Variants in ZMYM5 observed in about 807,000 individuals in gnomAD.
The protein encoded by ZMYM5 is zinc finger MYM-type protein 5.
ZMYM5 carries 41 observed loss-of-function variants against 61.8 expected under a neutral mutation model. The observed-to-expected ratio is 0.66, with a 90% confidence interval of 0.52 to 0.86. The LOEUF is 0.86. Ranked by LOEUF, ZMYM5 falls within the 40% of genes least tolerant of loss-of-function variation. The pLI, the probability that ZMYM5 is intolerant of heterozygous loss-of-function variation, is 0.00. For synonymous variants in ZMYM5, 257 were observed against 276.4 expected (o/e 0.93, Z 0.70); for missense variants, 706 against 786.7 (o/e 0.90, Z 1.23).
intron 4 of ZMYM5, among the ~76,000 whole-genome samples, chr13:19,849,988 AG>A (rs1953227505): frequency 6.6e-6 from 1 of 151,436 alleles, no homozygotes; most frequent in African/African-American, 2.4e-5. Flanking sequence ...AAAAAAAAAA[AG>A]GGAAAAAGCA....
intron 4 of ZMYM5, among the ~76,000 whole-genome samples, chr13:19,848,438 C>T (rs1376823756): frequency 2.6e-5 from 4 of 151,950 alleles, no homozygotes; most frequent in Admixed American, 1.3e-4. Context: ...TGAGCTACTA[C>T]GTCCATCCAT....
At chr13:19,854,803 G>C (rs973519502) in intron 2 of ZMYM5, among the ~76,000 whole-genome samples, 1 of 152,222 alleles carries the variant, frequency 6.6e-6, no homozygotes, top group African/African-American at 2.4e-5. Flanking sequence ...TAAGAGCCAG[G>C]AGATAAGTAA....
At chr13:19,843,394 AAAG>A (rs1241299194) in intron 4 of ZMYM5, 7 of 149,428 alleles carry the variant, frequency 4.7e-5, no homozygotes, top group Non-Finnish European at 1.0e-4. Flanking sequence ...AAAAAAAAAA[AAAG>A]AATATATAGC....
intron 4 of ZMYM5, among the ~76,000 whole-genome samples, chr13:19,842,651 T>A (rs1172877014): frequency 6.7e-6 from 1 of 149,054 alleles, no homozygotes; most frequent in Non-Finnish European, 1.5e-5. Flanking sequence ...TTTTTTTTTT[T>A]AATTAAAAAA....
intron 6 of ZMYM5, chr13:19,837,451 T>C: frequency 6.4e-7 from 1 of 1,563,368 alleles, no homozygotes. Flanking sequence ...TAGAAACAGA[T>C]GTGTACTTTC....
intron 2 of ZMYM5, among the ~76,000 whole-genome samples, chr13:19,855,126 G>A (rs1953455775): frequency 6.6e-6 from 1 of 152,008 alleles, no homozygotes; most frequent in Non-Finnish European, 1.5e-5. Flanking sequence ...GGGGCCAAGT[G>A]GGAGAATTGC....
At chr13:19,852,716 C>A (rs1258113179) in intron 2 of ZMYM5, among the ~76,000 whole-genome samples, 1 of 152,116 alleles carries the variant, frequency 6.6e-6, no homozygotes, top group Non-Finnish European at 1.5e-5. Context: ...GGGCTTTTTA[C>A]AGAAAATAAA....
intron 7 of ZMYM5, 86 bp downstream of exon 7, chr13:19,835,391 G>A: frequency 1.1e-6 from 1 of 917,522 alleles, no homozygotes; most frequent in Non-Finnish European, 1.5e-6. Context: ...AATTAAATGA[G>A]ATTCTAAGAT....
chr13:19,850,261 T>C (rs746892801), intron 4 of ZMYM5, among the ~76,000 whole-genome samples: 1 of 152,064 alleles, frequency 6.6e-6, no homozygotes, highest in Non-Finnish European at 1.5e-5. Flanking sequence ...GGCAAGAAAG[T>C]TTTCCAACTT....
At chr13:19,833,865 C>A (rs542260458) in intron 7 of ZMYM5, among the ~76,000 whole-genome samples, 1 of 152,296 alleles carries the variant, frequency 6.6e-6, no homozygotes, top group Non-Finnish European at 1.5e-5. Flanking sequence ...TCCGGCCAGG[C>A]ACAATGGCTC....
In ZMYM5 at chr13:19,852,183, C is replaced by A; in HGVS notation, c.-3G>T. The A allele has an allele frequency of 6.3e-7, 1 of 1,583,234 alleles. No individual in the cohort carries two copies. The highest frequency in any genetic ancestry group is 1.2e-5 in the South Asian group (1 of 86,154). On this transcript the variant is annotated 5_prime_UTR_variant, in exon 3 of 8. Coordinates refer to ENST00000337963, the MANE Select transcript of ZMYM5 (RefSeq NM_001142684.2). ...CCTCCCACTGAACATTTTTCCATGC[C>A]AATGAACCTGTAGAGACAGAAAAGA... is the stretch of plus-strand genomic sequence containing the variant.
At chr13:19,836,374 G>C (rs1952675899) in intron 6 of ZMYM5, among the ~76,000 whole-genome samples, 2 of 151,726 alleles carry the variant, frequency 1.3e-5, no homozygotes, top group Admixed American at 1.3e-4. Flanking sequence ...CCAGATTACA[G>C]GCTTGCAGCA....
At chr13:19,842,958 C>T (rs1379814660) in intron 4 of ZMYM5, among the ~76,000 whole-genome samples, 5 of 27,282 alleles carry the variant, frequency 1.8e-4, no homozygotes, top group African/African-American at 3.9e-4. Context: ...CAAACTCCAT[C>T]TCAAAAAAAA....
chr13:19,825,926 C>T (rs1446038019), intron 7 of ZMYM5, among the ~76,000 whole-genome samples: 1 of 151,570 alleles, frequency 6.6e-6, no homozygotes, highest in Non-Finnish European at 1.5e-5. Flanking sequence ...ACTGGTAATC[C>T]CAGCTACTCT....
chr13:19,833,011 G>T (rs7993951), intron 7 of ZMYM5, among the ~76,000 whole-genome samples: 12,414 of 152,020 alleles, frequency 0.082, 786 homozygotes, highest in Non-Finnish European at 0.13. Flanking sequence ...TAGGATTACA[G>T]GCACGTACCA....
At chr13:19,836,201 G>A (rs1162945530) in intron 6 of ZMYM5, among the ~76,000 whole-genome samples, 2 of 151,810 alleles carry the variant, frequency 1.3e-5, no homozygotes, top group Non-Finnish European at 2.9e-5. Context: ...AAGAGGACAA[G>A]ATTCATAGGA....
At chr13:19,848,880 A>G (rs1029400497) in intron 4 of ZMYM5, among the ~76,000 whole-genome samples, 1 of 152,112 alleles carries the variant, frequency 6.6e-6, no homozygotes, top group South Asian at 2.1e-4. Context: ...GCACGCCACT[A>G]TACCTGGCTA....
chr13:19,828,846 G>C (rs1214045192), intron 7 of ZMYM5, among the ~76,000 whole-genome samples: 2 of 152,178 alleles, frequency 1.3e-5, no homozygotes, highest in African/African-American at 4.8e-5. Context: ...GGGAAACAAA[G>C]GAAACCAGGT....
rs761303575 is a variant in ZMYM5 at position 19,838,802 on chromosome 13, GCTGT to G, written c.766_769del (p.Thr256LeufsTer31). The G allele has an allele frequency of 6.2e-7, 1 of 1,614,076 alleles. No homozygotes were observed. The highest frequency in any genetic ancestry group is 8.5e-7 in the Non-Finnish European group (1 of 1,180,054). ...GTGAGCTGATCCTTTTCGTTGATAA[GCTGT>G]CTGTCCCTTCTGTAAAGGCTTTTTG... is the stretch of plus-strand genomic sequence containing the variant. On this transcript the variant is annotated frameshift_variant, in exon 5 of 8. Transcript: ENST00000337963. LOFTEE classifies it high-confidence loss of function.
Sources: gnomAD v4.1 joint callset for allele counts (sites outside exome capture counted in the v4.1 genomes callset) on GRCh38, gnomAD v4.1.1 for gene constraint, MANE v1.5 for transcripts, NCBI Gene and HGNC (gene_info 2026-07-23, HGNC 2026-07-21) for gene names.